ROBO1: variants seen among roughly 807,000 people sequenced by gnomAD.
ROBO1 encodes the protein roundabout homolog 1.
Under a neutral mutation model 195.9 loss-of-function variants are expected in ROBO1, and 149 were observed. The observed-to-expected ratio is 0.76, with a 90% CI of 0.67 to 0.87. The LOEUF (loss-of-function observed/expected upper bound fraction) is 0.87, where lower values mean the gene tolerates loss of function less well. Among genes scored for constraint, ROBO1 ranks in the 40% least tolerant of loss-of-function variants. The pLI, the probability that ROBO1 is intolerant of heterozygous loss-of-function variation, is 0.00. For missense variants in ROBO1, 1,933 were observed against 2,068.3 expected (o/e 0.93, Z 1.27); for synonymous variants, 816 against 733.2 (o/e 1.11, Z -1.82).
chr3:78,924,270 C>G (rs1212199676), intron 4 of ROBO1, among the ~76,000 whole-genome samples: 2 of 151,984 alleles, frequency 1.3e-5, no homozygotes, highest in Non-Finnish European at 2.9e-5. Flanking sequence ...AAATATTAAT[C>G]AAACGTACAA....
intron 28 of ROBO1, among the ~76,000 whole-genome samples, chr3:78,609,475 T>G (rs1266577988): frequency 6.6e-6 from 1 of 152,170 alleles, no homozygotes; most frequent in Non-Finnish European, 1.5e-5. Context: ...GGTGACCAGA[T>G]AAAAAGGACC....
intron 2 of ROBO1, among the ~76,000 whole-genome samples, chr3:79,538,094 C>T (rs1372041028): frequency 6.6e-6 from 1 of 152,114 alleles, no homozygotes; most frequent in Non-Finnish European, 1.5e-5. Flanking sequence ...ATTCTACAAA[C>T]TCTCACCAGA....
chr3:79,197,882 G>A (rs1447759715), intron 2 of ROBO1, among the ~76,000 whole-genome samples: 1 of 139,190 alleles, frequency 7.2e-6, no homozygotes, highest in South Asian at 2.1e-4. Flanking sequence ...TTTTTTGATG[G>A]GTTTTTTTTT....
At chr3:79,275,368 C>T (rs535890234) in intron 2 of ROBO1, among the ~76,000 whole-genome samples, 1 of 151,832 alleles carries the variant, frequency 6.6e-6, no homozygotes, top group Admixed American at 6.6e-5. Context: ...CAACAGAATG[C>T]AGGATAAAAA....
chr3:78,921,602 C>T (rs1184314104), intron 4 of ROBO1, among the ~76,000 whole-genome samples: 1 of 152,132 alleles, frequency 6.6e-6, no homozygotes, highest in Non-Finnish European at 1.5e-5. Context: ...AAGTAACAAG[C>T]ATTTTTCAAA....
At chr3:79,577,313 T>C (rs913101987) in intron 2 of ROBO1, among the ~76,000 whole-genome samples, 1 of 152,192 alleles carries the variant, frequency 6.6e-6, no homozygotes, top group African/African-American at 2.4e-5. Flanking sequence ...TCATGTCTTA[T>C]GTAAACTATA....
intron 4 of ROBO1, among the ~76,000 whole-genome samples, chr3:78,897,418 G>A (rs181325650): frequency 6.6e-6 from 1 of 152,236 alleles, no homozygotes; most frequent in Non-Finnish European, 1.5e-5. Flanking sequence ...ACTTGGAATC[G>A]CTCTTATATA....
chr3:79,327,381 A>G (rs2034254876), intron 2 of ROBO1, among the ~76,000 whole-genome samples: 1 of 152,108 alleles, frequency 6.6e-6, no homozygotes, highest in African/African-American at 2.4e-5. Flanking sequence ...TTCCATTAAA[A>G]AAGACTTTAG....
intron 4 of ROBO1, among the ~76,000 whole-genome samples, chr3:78,849,166 C>G (rs1458492088): frequency 6.6e-6 from 1 of 152,024 alleles, no homozygotes; most frequent in Non-Finnish European, 1.5e-5. Context: ...ACACAGTAAG[C>G]TTGAGGTGTG....
At chr3:78,611,620 T>C (rs561144297) in intron 28 of ROBO1, among the ~76,000 whole-genome samples, 13 of 152,200 alleles carry the variant, frequency 8.5e-5, no homozygotes, top group Non-Finnish European at 1.6e-4. Context: ...AGAGCAAGGT[T>C]TGGCCACAAT....
chr3:79,078,096 C>G (rs559381150), intron 3 of ROBO1, among the ~76,000 whole-genome samples: 55 of 151,646 alleles, frequency 3.6e-4, no homozygotes, highest in African/African-American at 1.3e-3. Flanking sequence ...TTTTTGAAAC[C>G]ACAAAGGAAA....
At chr3:79,008,017 C>G (rs1331325225) in intron 3 of ROBO1, among the ~76,000 whole-genome samples, 1 of 152,172 alleles carries the variant, frequency 6.6e-6, no homozygotes, top group Non-Finnish European at 1.5e-5. Flanking sequence ...ATCACCACTC[C>G]TAAACGCACC....
intron 5 of ROBO1, among the ~76,000 whole-genome samples, chr3:78,740,182 T>C (rs1210573585): frequency 6.6e-6 from 1 of 152,022 alleles, no homozygotes; most frequent in African/African-American, 2.4e-5. Context: ...TCCTTCTTCT[T>C]CACCTTCTTC....
At chr3:79,585,177 A>ATG (rs1943790065) in intron 2 of ROBO1, among the ~76,000 whole-genome samples, 1 of 151,940 alleles carries the variant, frequency 6.6e-6, no homozygotes, top group South Asian at 2.1e-4. Flanking sequence ...TCTGTAAGTC[A>ATG]TAATACAGCC....
intron 5 of ROBO1, among the ~76,000 whole-genome samples, chr3:78,745,300 C>G (rs1311768558): frequency 7.2e-6 from 1 of 138,918 alleles, no homozygotes; most frequent in African/African-American, 3.0e-5. Context: ...GAGCAAGACT[C>G]CATTTCAAAA....
intron 2 of ROBO1, among the ~76,000 whole-genome samples, chr3:79,189,307 T>TGGG (rs1258966293): frequency 1.3e-5 from 2 of 151,734 alleles, no homozygotes; most frequent in African/African-American, 4.8e-5. Flanking sequence ...ATACATAAAA[T>TGGG]AATTTAGAAT....
intron 18 of ROBO1, among the ~76,000 whole-genome samples, chr3:78,656,332 G>A (rs1707010451): frequency 6.9e-6 from 1 of 145,414 alleles, no homozygotes; most frequent in Non-Finnish European, 1.5e-5. Flanking sequence ...TTAAATTGAA[G>A]TTTGCTTATT....
chr3:78,886,502 G>T (rs989778845), intron 4 of ROBO1, among the ~76,000 whole-genome samples: 1 of 152,086 alleles, frequency 6.6e-6, no homozygotes, highest in Non-Finnish European at 1.5e-5. Flanking sequence ...GCTGAGGCAG[G>T]AGAATCACTT....
intron 2 of ROBO1, among the ~76,000 whole-genome samples, chr3:79,366,740 C>T (rs2035992736): frequency 6.6e-6 from 1 of 152,082 alleles, no homozygotes; most frequent in Non-Finnish European, 1.5e-5. Context: ...TGATGTTTGC[C>T]GAGTTTTCAA....
Sources: gnomAD v4.1 joint callset for allele counts (sites outside exome capture counted in the v4.1 genomes callset) on GRCh38, gnomAD v4.1.1 for gene constraint, MANE v1.5 for transcripts, NCBI Gene and HGNC (gene_info 2026-07-23, HGNC 2026-07-21) for gene names.